CDK6: variants seen among roughly 807,000 people sequenced by gnomAD.
CDK6 encodes cyclin dependent kinase 6.
A neutral mutation model predicts 37.1 loss-of-function variants in CDK6; 6 were observed. The observed-to-expected ratio is 0.16, with a 90% confidence interval of 0.09 to 0.32. The LOEUF (loss-of-function observed/expected upper bound fraction) is 0.32. Among genes scored for constraint, CDK6 ranks in the 10% least tolerant of loss-of-function variants. The pLI is 1.00. For synonymous variants in CDK6, 160 were observed against 161.3 expected (o/e 0.99, Z 0.06); for missense variants, 224 against 418.9 (o/e 0.53, Z 4.06).
chr7:92,672,158 T>TATATATATAC (rs1254710727), intron 4 of CDK6, among the ~76,000 whole-genome samples: 3 of 102,734 alleles, frequency 2.9e-5, no homozygotes, highest in East Asian at 3.5e-4. Context: ...TATATATATA[T>TATATATATAC]ATACACATAC....
chr7:92,724,305 C>G (rs567340145), intron 4 of CDK6, among the ~76,000 whole-genome samples: 15 of 152,152 alleles, frequency 9.9e-5, no homozygotes, highest in Non-Finnish European at 1.6e-4. Flanking sequence ...CATTTCTCCT[C>G]TAAAGCAATG....
chr7:92,793,999 A>T (rs1434027056), intron 2 of CDK6, among the ~76,000 whole-genome samples: 1 of 152,134 alleles, frequency 6.6e-6, no homozygotes, highest in Non-Finnish European at 1.5e-5. Flanking sequence ...AGCGCTTTAA[A>T]TGGGTGAATT....
chr7:92,761,589 T>C (rs997635888), intron 3 of CDK6, among the ~76,000 whole-genome samples: 1 of 152,208 alleles, frequency 6.6e-6, no homozygotes, highest in South Asian at 2.1e-4. Context: ...AACTTACAAA[T>C]AATGTGTGCC....
At chr7:92,710,338 C>T (rs1290836683) in intron 4 of CDK6, among the ~76,000 whole-genome samples, 1 of 152,218 alleles carries the variant, frequency 6.6e-6, no homozygotes, top group Admixed American at 6.5e-5. Flanking sequence ...CCTGCTTCCT[C>T]ACCTACTGCT....
At chr7:92,815,547 A>C (rs958363280) in intron 2 of CDK6, among the ~76,000 whole-genome samples, 9 of 152,298 alleles carry the variant, frequency 5.9e-5, no homozygotes, top group Middle Eastern at 3.4e-3. Flanking sequence ...GTGATCCCTG[A>C]GAGAGGGGAA....
At chr7:92,797,467 A>G (rs1397409986) in intron 2 of CDK6, among the ~76,000 whole-genome samples, 1 of 152,140 alleles carries the variant, frequency 6.6e-6, no homozygotes, top group Non-Finnish European at 1.5e-5. Flanking sequence ...CCCTCTATAT[A>G]TACTAATGAA....
At chr7:92,806,106 T>G (rs142955977) in intron 2 of CDK6, among the ~76,000 whole-genome samples, 1 of 152,222 alleles carries the variant, frequency 6.6e-6, no homozygotes, top group East Asian at 1.9e-4. Flanking sequence ...ACATATGTTA[T>G]GTATATTACC....
chr7:92,669,646 A>G (rs1797032253), intron 5 of CDK6, among the ~76,000 whole-genome samples: 1 of 152,250 alleles, frequency 6.6e-6, no homozygotes, highest in Non-Finnish European at 1.5e-5. Flanking sequence ...GGTTCTAACC[A>G]TAAGCCTTTA....
Position 92,833,710 on chromosome 7 carries a change from G to A in CDK6, c.-367-20C>T, listed in dbSNP as rs1380708744. On this transcript the variant is annotated intron_variant, in intron 1 of 7. Transcript: ENST00000424848. This position sits in a 1 kb window ranked among gnomAD's most constrained non-coding sequence, Gnocchi z 6.1. ...TTGCACCTAAAGGAGGAGACGGGAG[G>A]ATAAGAAGAAAGTGCAATCAGACAG... The A allele has an allele frequency of 1.2e-5, 5 of 433,836 alleles. No homozygotes were observed. Among genetic ancestry groups the A allele is most frequent in the South Asian group, 1.5e-4 (2 of 13,536 alleles). The allele number at this position is 433,836 out of a possible 1,614,324, so 26.9% of individuals were successfully genotyped here. A position where few individuals can be genotyped will look rare whatever the true frequency, so the allele number is the denominator to read the frequency against.
intron 2 of CDK6, among the ~76,000 whole-genome samples, chr7:92,817,582 T>C (rs1384116519): frequency 6.6e-6 from 1 of 151,856 alleles, no homozygotes; most frequent in African/African-American, 2.4e-5. Flanking sequence ...CTCCTTATTA[T>C]TGGGAACAAG....
At chr7:92,708,927 G>T (rs1798025567) in intron 4 of CDK6, among the ~76,000 whole-genome samples, 1 of 152,138 alleles carries the variant, frequency 6.6e-6, no homozygotes, top group Non-Finnish European at 1.5e-5. Context: ...CATGTGTCAG[G>T]ACACATCCAC....
rs186505101 is a variant in CDK6, at chr7:92,759,746, C to A, written c.369+14950G>T. On this transcript the variant is annotated intron_variant, in intron 3 of 7. Transcript: ENST00000424848. ...AAAGAAAGCTTAAAAAAAAACCATACACACAAATTCCCTTTGTTTGGCATC... is the reference window on the plus strand; with the variant it reads ...AAAGAAAGCTTAAAAAAAAACCATAAACACAAATTCCCTTTGTTTGGCATC... Among the ~76,000 whole-genome samples, 219 of 130,152 alleles carry A rather than the reference C, an allele frequency of 1.7e-3. 1 individual carries two copies. The highest frequency in any genetic ancestry group is 3.2e-3 in the Admixed American group (42 of 13,290). The allele number at this position is 130,152 out of a possible 152,430, so 85.4% of individuals were successfully genotyped here. A position where few individuals can be genotyped will look rare whatever the true frequency, so the allele number is the denominator to read the frequency against.
intron 3 of CDK6, among the ~76,000 whole-genome samples, chr7:92,753,435 A>G (rs1437579846): frequency 6.6e-6 from 1 of 152,202 alleles, no homozygotes; most frequent in African/African-American, 2.4e-5. Context: ...TTATTTTGAG[A>G]AATACTTTTA....
At chr7:92,642,979 T>G (rs1796348552) in intron 5 of CDK6, among the ~76,000 whole-genome samples, 1 of 152,066 alleles carries the variant, frequency 6.6e-6, no homozygotes, top group Admixed American at 6.5e-5. Context: ...AATGCAGCCT[T>G]GACCTCCTGA....
At chr7:92,831,628 T>G (rs1278596173) in intron 2 of CDK6, among the ~76,000 whole-genome samples, 1 of 152,246 alleles carries the variant, frequency 6.6e-6, no homozygotes, top group East Asian at 1.9e-4. Context: ...TATAGGTTTT[T>G]ATATATAATC....
At chr7:92,831,802 C>A (rs1274713177) in intron 2 of CDK6, among the ~76,000 whole-genome samples, 1 of 152,144 alleles carries the variant, frequency 6.6e-6, no homozygotes, top group Non-Finnish European at 1.5e-5. Flanking sequence ...AAATCACCAG[C>A]CTGGGATAAG....
intron 2 of CDK6, among the ~76,000 whole-genome samples, chr7:92,796,133 C>T (rs1800405068): frequency 6.7e-6 from 1 of 149,210 alleles, no homozygotes; most frequent in Non-Finnish European, 1.5e-5. Context: ...TTTCACTTAG[C>T]ATGCATGTAT....
intron 4 of CDK6, chr7:92,724,903 T>G: frequency 1.9e-6 from 1 of 525,914 alleles, no homozygotes; most frequent in South Asian, 8.2e-5. Context: ...AGGCTGCTCT[T>G]TTTGTATTTG....
At chr7:92,639,367 G>C (rs574674455) in intron 5 of CDK6, among the ~76,000 whole-genome samples, 126 of 152,342 alleles carry the variant, frequency 8.3e-4, no homozygotes, top group Middle Eastern at 3.4e-3. Flanking sequence ...CAGATCCTTA[G>C]GTTCTTTTGC....
Sources: gnomAD v4.1 joint callset for allele counts (sites outside exome capture counted in the v4.1 genomes callset) on GRCh38, gnomAD v4.1.1 for gene constraint, Gnocchi (gnomAD v3.1) non-coding constraint, MANE v1.5 for transcripts, NCBI Gene and HGNC (gene_info 2026-07-23, HGNC 2026-07-21) for gene names.